Variants in CTPS2 observed in about 807,000 individuals in gnomAD.
The protein encoded by CTPS2 is CTP synthase 2, also known as CTP synthase II.
CTPS2 carries 19 observed loss-of-function variants against 46.8 expected under a neutral mutation model. The observed-to-expected ratio is 0.41, with a 90% confidence interval of 0.28 to 0.60. The LOEUF (loss-of-function observed/expected upper bound fraction) is 0.60. Among genes scored for constraint, CTPS2 ranks in the 20% least tolerant of loss-of-function variants. The probability of loss-of-function intolerance (pLI) is 0.35; values close to 1 mark genes in which losing one functional copy is unlikely to be tolerated. For missense variants in CTPS2, 286 were observed against 447.6 expected (o/e 0.64, Z 3.26); for synonymous variants, 151 against 165.2 (o/e 0.91, Z 0.66).
intron 13 of CTPS2, among the ~76,000 whole-genome samples, chrX:16,664,737 GC>G: frequency 8.9e-6 from 1 of 111,808 alleles, no homozygotes; most frequent in Middle Eastern, 4.6e-3. Flanking sequence ...GGGCGATTCT[GC>G]CCCTGCCCCC....
chrX:16,706,950 G>T (rs946671319), intron 1 of CTPS2, among the ~76,000 whole-genome samples: 13 of 109,194 alleles, frequency 1.2e-4, no homozygotes, highest in Non-Finnish European at 5.7e-5. Flanking sequence ...GGCTGAGGCA[G>T]GAGAATCACT....
chrX:16,590,747 C>T lies in CTPS2; in HGVS notation c.*41+5G>A. ...AATGAACAATCCTCGAAGATTCCAT[C>T]TTACCCTCACAGGCAGTCCCCATTA... is the stretch of plus-strand genomic sequence containing the variant. On this transcript the variant is annotated splice_donor_5th_base_variant and intron_variant, in intron 18 of 18. Transcript: ENST00000359276. 1.1e-6 allele frequency: 1 copy of T among 941,850 alleles called. No homozygotes were observed. 77.6% of individuals were successfully genotyped at this position (941,850 alleles called of 1,213,427 possible). A position where few individuals can be genotyped will look rare whatever the true frequency, so the allele number is the denominator to read the frequency against.
intron 1 of CTPS2, among the ~76,000 whole-genome samples, chrX:16,704,816 G>A (rs1387907644): frequency 9.0e-6 from 1 of 110,656 alleles, no homozygotes; most frequent in Non-Finnish European, 1.9e-5. Flanking sequence ...GTGTGGTGGT[G>A]CATGCCTGTA....
intron 13 of CTPS2, among the ~76,000 whole-genome samples, chrX:16,658,225 G>C (rs1197371668): frequency 9.2e-6 from 1 of 108,314 alleles, no homozygotes; most frequent in Admixed American, 9.9e-5. Flanking sequence ...AAAAAAAAAG[G>C]TGATTTCTAA....
At chrX:16,637,372 C>G (rs1931807670) in intron 14 of CTPS2, among the ~76,000 whole-genome samples, 2 of 111,683 alleles carry the variant, frequency 1.8e-5, no homozygotes, top group East Asian at 5.7e-4. Context: ...GCATGAGCCA[C>G]CATGCCAGGC....
intron 13 of CTPS2, among the ~76,000 whole-genome samples, chrX:16,665,177 T>C (rs1921070672): frequency 8.9e-6 from 1 of 112,194 alleles, no homozygotes; most frequent in South Asian, 3.7e-4. Context: ...AGGACCCTCA[T>C]ACATTGCTGG....
At chrX:16,703,700 T>C (rs1453573637) in intron 1 of CTPS2, among the ~76,000 whole-genome samples, 1 of 111,606 alleles carries the variant, frequency 9.0e-6, no homozygotes, top group African/African-American at 3.3e-5. Flanking sequence ...TGAAACAAAG[T>C]CTTATCTTCT....
At chrX:16,605,887 T>C (rs1929945487) in intron 17 of CTPS2, among the ~76,000 whole-genome samples, 1 of 112,779 alleles carries the variant, frequency 8.9e-6, no homozygotes, top group African/African-American at 3.2e-5. Flanking sequence ...AAAAATACTG[T>C]CCTGAAGCTA....
chrX:16,657,736 A>G (rs774401594), intron 13 of CTPS2, among the ~76,000 whole-genome samples: 53 of 112,126 alleles, frequency 4.7e-4, no homozygotes, highest in African/African-American at 1.7e-3. Context: ...GCTCTTTGTG[A>G]TTAGCCTCTC....
rs748029021 is a variant in CTPS2, at chrX:16,664,866, C to A, written c.1296+2648G>T. 1.6e-4 allele frequency among the ~76,000 whole-genome samples: 18 copies of A among 111,593 alleles called. No homozygotes were observed. The South Asian group carries it at 6.8e-3, about 42-fold the overall frequency. On this transcript the variant is annotated intron_variant, in intron 13 of 18. Coordinates refer to ENST00000359276, the MANE Select transcript of CTPS2 (RefSeq NM_175859.3). ...CACATACAACAAAGAATGATGTGTT[C>A]CCAAATGCCGATAGCACAGATTATA... is the stretch of plus-strand genomic sequence containing the variant.
intron 17 of CTPS2, among the ~76,000 whole-genome samples, chrX:16,602,249 C>T (rs1266388621): frequency 9.0e-6 from 1 of 111,484 alleles, no homozygotes; most frequent in East Asian, 2.8e-4. Context: ...GGACTGTGCG[C>T]TTGCAGGTCT....
intron 13 of CTPS2, among the ~76,000 whole-genome samples, chrX:16,650,779 G>A (rs762444845): frequency 4.5e-5 from 5 of 110,333 alleles, no homozygotes; most frequent in African/African-American, 1.6e-4. Context: ...CCAAAGTGCT[G>A]GGATTACAGG....
intron 13 of CTPS2, among the ~76,000 whole-genome samples, chrX:16,650,810 C>G (rs1417479428): frequency 9.1e-6 from 1 of 110,453 alleles, no homozygotes; most frequent in African/African-American, 3.3e-5. Context: ...CGTGCCTGGC[C>G]TAAGATGCTT....
intron 13 of CTPS2, among the ~76,000 whole-genome samples, chrX:16,652,135 T>C (rs1433713431): frequency 2.7e-5 from 3 of 111,158 alleles, no homozygotes; most frequent in Non-Finnish European, 5.7e-5. Context: ...ATATTAAGGG[T>C]AGTCAGATAC....
At chrX:16,613,602 CT>C (rs111462789) in intron 16 of CTPS2, among the ~76,000 whole-genome samples, 61 of 101,770 alleles carry the variant, frequency 6.0e-4, no homozygotes, top group Admixed American at 7.4e-4. Flanking sequence ...AGGGACTTGC[CT>C]TTTTTTTTTT....
intron 14 of CTPS2, among the ~76,000 whole-genome samples, chrX:16,634,127 A>G (rs1931619957): frequency 1.8e-5 from 2 of 111,887 alleles, no homozygotes; most frequent in African/African-American, 3.2e-5. Flanking sequence ...GCCACCAGAA[A>G]AGACTACATA....
intron 10 of CTPS2, among the ~76,000 whole-genome samples, chrX:16,673,091 T>G (rs769180066): frequency 1.9e-5 from 2 of 107,438 alleles, no homozygotes; most frequent in East Asian, 5.9e-4. Context: ...TTTCACCGTT[T>G]TAGCCGGGAT....
intron 1 of CTPS2, among the ~76,000 whole-genome samples, chrX:16,708,466 G>C (rs1440039389): frequency 9.0e-6 from 1 of 111,040 alleles, no homozygotes; most frequent in African/African-American, 3.3e-5. Context: ...TCCAAACCCA[G>C]AGCCAAGATC....
At chrX:16,595,373 T>G (rs1193694302) in intron 17 of CTPS2, among the ~76,000 whole-genome samples, 1 of 109,657 alleles carries the variant, frequency 9.1e-6, no homozygotes, top group Non-Finnish European at 1.9e-5. Context: ...GTGCAGTGAT[T>G]TGGGCTCACT....
Sources: gnomAD v4.1 joint callset for allele counts (sites outside exome capture counted in the v4.1 genomes callset) on GRCh38, gnomAD v4.1.1 for gene constraint, MANE v1.5 for transcripts, NCBI Gene and HGNC (gene_info 2026-07-23, HGNC 2026-07-21) for gene names.